The following TRIB2 variants were observed in gnomAD, a reference collection of about 807,000 sequenced individuals.
TRIB2 encodes tribbles pseudokinase 2, also known as tribbles homolog 2.
A neutral mutation model predicts 26.8 loss-of-function variants in TRIB2; 2 were observed. The observed-to-expected ratio is 0.07, with a 90% CI of 0.03 to 0.24. The LOEUF is 0.24. Among genes scored for constraint, TRIB2 ranks in the 10% least tolerant of loss-of-function variants. The pLI, the probability that TRIB2 is intolerant of heterozygous loss-of-function variation, is 1.00. For synonymous variants in TRIB2, 189 were observed against 187.3 expected (o/e 1.01, Z -0.08); for missense variants, 306 against 449.0 (o/e 0.68, Z 2.88).
At chr2:12,738,791 C>T (rs1051862260) in intron 2 of TRIB2, among the ~76,000 whole-genome samples, 2 of 152,084 alleles carry the variant, frequency 1.3e-5, no homozygotes, top group Admixed American at 6.5e-5. Context: ...CAAGTCACCG[C>T]GCATCCTGGC....
intron 2 of TRIB2, among the ~76,000 whole-genome samples, chr2:12,731,486 G>A (rs1274690316): frequency 6.6e-6 from 1 of 152,208 alleles, no homozygotes; most frequent in Non-Finnish European, 1.5e-5. Context: ...GCCGGGCATG[G>A]GTTCTAGGAA....
Position 12,732,801 on chromosome 2 carries a change from C to T in TRIB2, c.564-7525C>T, listed in dbSNP as rs1339952699. ...ACCCTGGCTTTCACAGCTGGACTGG[C>T]TGCCCAGAGGACTTTTTCAGTAACA... is the stretch of plus-strand genomic sequence containing the variant. On this transcript the variant is annotated intron_variant, in intron 2 of 2. Transcript: ENST00000155926. This position sits in a 1 kb window ranked among gnomAD's most constrained non-coding sequence, Gnocchi z 4.2. 6.6e-6 allele frequency among the ~76,000 whole-genome samples: 1 copy of T among 152,248 alleles called. No individual in the cohort carries two copies. The highest frequency in any genetic ancestry group is 1.5e-5 in the Non-Finnish European group (1 of 68,048).
rs752833186 is a variant in TRIB2 at position 12,723,249 on chromosome 2, T to A, written c.271-11T>A. 1.2e-6 allele frequency: 2 copies of A among 1,608,004 alleles called. No individual in the cohort carries two copies. The highest frequency in any genetic ancestry group is 2.7e-5 in the African/African-American group (2 of 74,872). On this transcript the variant is annotated splice_polypyrimidine_tract_variant and intron_variant, in intron 1 of 2. Coordinates refer to ENST00000155926, the MANE Select transcript of TRIB2 (RefSeq NM_021643.4). ...CCTCTGACTTTGGTCTTACTGTTAATCCTGTCGTAGGTGTTTGATATCAGC... is the reference window on the plus strand; with the variant it reads ...CCTCTGACTTTGGTCTTACTGTTAAACCTGTCGTAGGTGTTTGATATCAGC...
rs1661685395 is a variant in TRIB2 at position 12,740,270 on chromosome 2, G to A, written c.564-56G>A. 2 of 1,499,596 alleles carry A rather than the reference G, an allele frequency of 1.3e-6. No homozygotes were observed. Among genetic ancestry groups the A allele is most frequent in the South Asian group, 2.4e-5 (2 of 83,392 alleles). The allele number at this position is 1,499,596 out of a possible 1,614,324, so 92.9% of individuals were successfully genotyped here. On this transcript the variant is annotated intron_variant, in intron 2 of 2. Transcript: ENST00000155926. This position sits in a 1 kb window ranked among gnomAD's most constrained non-coding sequence, Gnocchi z 5.8. ...TATAGTCGGTTATGTTATGATGCTGGTGGTAACGTGTCTCTGAGCACCCTC... is the reference window on the plus strand; with the variant it reads ...TATAGTCGGTTATGTTATGATGCTGATGGTAACGTGTCTCTGAGCACCCTC...
chr2:12,725,545 A>G (rs10203137), intron 2 of TRIB2, among the ~76,000 whole-genome samples: 104,191 of 152,054 alleles, frequency 0.69, 35,805 homozygotes, highest in East Asian at 0.82. Flanking sequence ...TGAGTGTGTC[A>G]TCACACGCCA....
chr2:12,726,045 G>A (rs571815278), intron 2 of TRIB2, among the ~76,000 whole-genome samples: 1 of 152,214 alleles, frequency 6.6e-6, no homozygotes, highest in Admixed American at 6.5e-5. Context: ...TCATTCCATC[G>A]AGAGCTCTTC....
chr2:12,731,464 C>T (rs1661456946), intron 2 of TRIB2, among the ~76,000 whole-genome samples: 1 of 151,872 alleles, frequency 6.6e-6, no homozygotes, highest in African/African-American at 2.4e-5. Flanking sequence ...GAAAGATGAA[C>T]TGGGTAAAGC....
In TRIB2 at chr2:12,740,293, C is replaced by T; in HGVS notation, c.564-33C>T. 1 of 1,599,784 alleles carries T rather than the reference C, an allele frequency of 6.3e-7. No homozygotes were observed. The highest frequency in any genetic ancestry group is 8.5e-7 in the Non-Finnish European group (1 of 1,170,188). On this transcript the variant is annotated intron_variant, in intron 2 of 2. Transcript: ENST00000155926. The surrounding 1 kb of genome is among the most constrained non-coding windows in gnomAD (Gnocchi z 5.8). ...TGGTGGTAACGTGTCTCTGAGCACC[C>T]TCAGGAGCTTATGTTTTCCTCCTTT... is the stretch of plus-strand genomic sequence containing the variant.
chr2:12,735,096 C>G (rs1661540501), intron 2 of TRIB2, among the ~76,000 whole-genome samples: 1 of 152,218 alleles, frequency 6.6e-6, no homozygotes, highest in Admixed American at 6.5e-5. Context: ...GTCAGACCTC[C>G]CTCCATTCCT....
chr2:12,733,119 A>G (rs915782492), intron 2 of TRIB2, among the ~76,000 whole-genome samples: 6 of 152,170 alleles, frequency 3.9e-5, no homozygotes, highest in African/African-American at 1.4e-4. Context: ...TGGATTGAGC[A>G]CTAAACTTGG....
intron 1 of TRIB2, 22 bp from the exon 2 acceptor site, chr2:12,723,238 C>G: frequency 1.2e-6 from 2 of 1,601,488 alleles, no homozygotes. Flanking sequence ...TGACTTTGGT[C>G]TTACTGTTAA....
chr2:12,719,574 C>T (rs1558314151), intron 1 of TRIB2, among the ~76,000 whole-genome samples: 4 of 93,682 alleles, frequency 4.3e-5, no homozygotes, highest in African/African-American at 2.1e-4. Context: ...GATTTGCTGA[C>T]TGTTTTTTTT....
chr2:12,736,337 T>C (rs998796978), intron 2 of TRIB2, among the ~76,000 whole-genome samples: 2 of 151,520 alleles, frequency 1.3e-5, no homozygotes, highest in East Asian at 3.9e-4. Flanking sequence ...GAGAGGGAGA[T>C]GGTCGAGAGT....
Position 12,717,290 on chromosome 2 carries a change from A to C in TRIB2, c.-1018A>C. 1 of 398,222 alleles carries C rather than the reference A, an allele frequency of 2.5e-6. No homozygotes were observed. Among genetic ancestry groups the C allele is most frequent in the Non-Finnish European group, 4.4e-6 (1 of 225,830 alleles). The allele number at this position is 398,222 out of a possible 1,614,324, so 24.7% of individuals were successfully genotyped here. On this transcript the variant is annotated 5_prime_UTR_variant, in exon 1 of 3. Transcript: ENST00000155926. The surrounding 1 kb of genome is among the most constrained non-coding windows in gnomAD (Gnocchi z 4.8). ...TCTCCAGCGGGAAAGGGGCAAAGGA[A>C]CGCCGCGCGTTGGAAGGGCCAGGGA...
intron 1 of TRIB2, among the ~76,000 whole-genome samples, chr2:12,722,011 T>G (rs1396893589): frequency 6.6e-6 from 1 of 152,096 alleles, no homozygotes; most frequent in Non-Finnish European, 1.5e-5. Flanking sequence ...CCAAAAAAGG[T>G]TAACACTGTT....
chr2:12,725,178 A>G (rs1428619722), intron 2 of TRIB2, among the ~76,000 whole-genome samples: 2 of 152,354 alleles, frequency 1.3e-5, no homozygotes, highest in African/African-American at 4.8e-5. Flanking sequence ...CCTCTCTCGC[A>G]GGGATCTGTG....
chr2:12,728,290 A>G (rs1661376758), intron 2 of TRIB2, among the ~76,000 whole-genome samples: 1 of 152,024 alleles, frequency 6.6e-6, no homozygotes. Context: ...ACAGTCAGCC[A>G]TCAGCAGACG....
chr2:12,718,195 C>T lies in TRIB2; in HGVS notation c.-113C>T. ...CACGCAGCCCCTCTTCTGTCCCCTC[C>T]CCTCTCGCTCCCTTTTAAAATCAGT... On this transcript the variant is annotated 5_prime_UTR_variant, in exon 1 of 3. Coordinates refer to ENST00000155926, the MANE Select transcript of TRIB2 (RefSeq NM_021643.4). This position sits in a 1 kb window ranked among gnomAD's most constrained non-coding sequence, Gnocchi z 4.0. The T allele has an allele frequency of 1.5e-6, 2 of 1,370,862 alleles. No homozygotes were observed. Among genetic ancestry groups the T allele is most frequent in the Non-Finnish European group, 2.0e-6 (2 of 1,022,822 alleles). The allele number at this position is 1,370,862 out of a possible 1,614,324, so 84.9% of individuals were successfully genotyped here.
Position 12,718,206 on chromosome 2 carries a change from C to T in TRIB2, c.-102C>T. ...TCTTCTGTCCCCTCCCCTCTCGCTCCCTTTTAAAATCAGTGGCACCGAGGC... is the reference window on the plus strand; with the variant it reads ...TCTTCTGTCCCCTCCCCTCTCGCTCTCTTTTAAAATCAGTGGCACCGAGGC... On this transcript the variant is annotated 5_prime_UTR_variant, in exon 1 of 3. Coordinates refer to ENST00000155926, the MANE Select transcript of TRIB2 (RefSeq NM_021643.4). The surrounding 1 kb of genome is among the most constrained non-coding windows in gnomAD (Gnocchi z 4.0). 6.9e-7 allele frequency: 1 copy of T among 1,454,748 alleles called. No individual in the cohort carries two copies. Among genetic ancestry groups the T allele is most frequent in the Non-Finnish European group, 9.2e-7 (1 of 1,087,476 alleles). The allele number at this position is 1,454,748 out of a possible 1,614,324, so 90.1% of individuals were successfully genotyped here.
Sources: gnomAD v4.1 joint callset for allele counts (sites outside exome capture counted in the v4.1 genomes callset) on GRCh38, gnomAD v4.1.1 for gene constraint, Gnocchi (gnomAD v3.1) non-coding constraint, MANE v1.5 for transcripts, NCBI Gene and HGNC (gene_info 2026-07-23, HGNC 2026-07-21) for gene names.